The following BDNF variants were observed in gnomAD, a reference collection of about 807,000 sequenced individuals.
BDNF encodes the protein neurotrophic factor BDNF precursor form.
A neutral mutation model predicts 19.5 loss-of-function variants in BDNF; 1 was observed. The ratio of observed to expected loss-of-function variants is 0.05; its 90% CI spans 0.02 to 0.24. The LOEUF (loss-of-function observed/expected upper bound fraction) is 0.24, where lower values mean the gene tolerates loss of function less well. Among genes scored for constraint, BDNF ranks in the 10% least tolerant of loss-of-function variants. The probability of loss-of-function intolerance (pLI) is 1.00; values close to 1 mark genes in which losing one functional copy is unlikely to be tolerated. For missense variants in BDNF, 195 were observed against 317.6 expected, an observed-to-expected ratio of 0.61 and a Z score of 2.93; for synonymous variants, 100 against 121.6, an observed-to-expected ratio of 0.82 and a Z score of 1.17.
At chr11:27,719,131 CG>C (rs1320176565) in intron 1 of BDNF, among the ~76,000 whole-genome samples, 1 of 152,204 alleles carries the variant, frequency 6.6e-6, no homozygotes, top group Non-Finnish European at 1.5e-5. Context: ...CGCTGTCCCC[CG>C]GGGGTGCAGG....
intron 1 of BDNF, among the ~76,000 whole-genome samples, chr11:27,694,519 T>C (rs1243671037): frequency 6.6e-6 from 1 of 151,862 alleles, no homozygotes; most frequent in African/African-American, 2.4e-5. Context: ...AAAAATGAAC[T>C]AAATATAGAT....
At chr11:27,667,999 A>G (rs1854666089) in intron 1 of BDNF, among the ~76,000 whole-genome samples, 1 of 152,164 alleles carries the variant, frequency 6.6e-6, no homozygotes, top group Non-Finnish European at 1.5e-5. Flanking sequence ...TATTCCAAAA[A>G]TTGACTACAT....
chr11:27,665,994 T>C (rs1047779754), intron 1 of BDNF, among the ~76,000 whole-genome samples: 2 of 152,138 alleles, frequency 1.3e-5, no homozygotes, highest in Non-Finnish European at 2.9e-5. Context: ...GACCCCTGAG[T>C]AGCCTAACTG....
intron 1 of BDNF, chr11:27,719,763 G>A (rs1442049814): frequency 6.8e-6 from 1 of 147,500 alleles, no homozygotes; most frequent in Non-Finnish European, 1.5e-5. Flanking sequence ...GGGCGGGAAG[G>A]AGGGAGGGAG....
At chr11:27,700,687 G>T, upstream of BDNF, 1 of 1,155,740 alleles carries the variant, frequency 8.7e-7, no homozygotes, top group Non-Finnish European at 1.1e-6. Context: ...TCCTCCCCTA[G>T]GGCCCCGCGA....
chr11:27,669,601 T>C (rs1051346614), intron 1 of BDNF, among the ~76,000 whole-genome samples: 5 of 152,150 alleles, frequency 3.3e-5, no homozygotes, highest in Non-Finnish European at 5.9e-5. Flanking sequence ...CAAGCATTCC[T>C]ATACACCAAT....
rs983879107 is a variant in BDNF at position 27,716,805 on chromosome 11, T to A, written c.3+4607A>T. Among the ~76,000 whole-genome samples the A allele has an allele frequency of 7.9e-5, 12 of 152,330 alleles. 1 individual carries two copies. The highest frequency in any genetic ancestry group is 2.9e-4 in the African/African-American group (12 of 41,584). ...TATATTTAATAAAAAATATGCTCAG[T>A]TAGACATCATTTTAACTGACAGATT... On this transcript the variant is annotated intron_variant, in intron 1 of 1. Coordinates refer to the BDNF transcript ENST00000314915.
exon 1 of BDNF, chr11:27,721,466 A>G: frequency 1.9e-6 from 3 of 1,606,282 alleles, no homozygotes; most frequent in East Asian, 2.2e-5. Flanking sequence ...CGTCTCCCCA[A>G]CAGATGCTGG....
At chr11:27,717,655 C>A (rs1337104819) in intron 1 of BDNF, among the ~76,000 whole-genome samples, 1 of 152,184 alleles carries the variant, frequency 6.6e-6, no homozygotes, top group Non-Finnish European at 1.5e-5. Context: ...GGTTAAAATT[C>A]TCTCTCTTTC....
chr11:27,656,903 A>G lies in BDNF; in HGVS notation c.*918T>C. Reference sequence around the variant, plus strand: ...CACAGCAGTGGTAAAATATTTCAGAACGCGCAACTGATTTTTCTTCCTTAA... The same window carrying G: ...CACAGCAGTGGTAAAATATTTCAGAGCGCGCAACTGATTTTTCTTCCTTAA... On this transcript the variant is annotated 3_prime_UTR_variant, in exon 2 of 2. Transcript: ENST00000356660. 1.0e-6 allele frequency: 1 copy of G among 985,252 alleles called. No individual in the cohort carries two copies. Among genetic ancestry groups the G allele is most frequent in the Non-Finnish European group, 1.2e-6 (1 of 829,890 alleles). The allele number at this position is 985,252 out of a possible 1,614,324, so 61.0% of individuals were successfully genotyped here.
At chr11:27,707,661 G>A (rs1026114864) in intron 1 of BDNF, among the ~76,000 whole-genome samples, 1 of 152,168 alleles carries the variant, frequency 6.6e-6, no homozygotes, top group Admixed American at 6.5e-5. Flanking sequence ...CAAATATAAT[G>A]TTTCATAAAA....
chr11:27,694,832 T>G (rs1213419268), intron 1 of BDNF, among the ~76,000 whole-genome samples: 4 of 152,172 alleles, frequency 2.6e-5, no homozygotes. Context: ...TGTTATTGTA[T>G]CTCAGAAAGT....
At chr11:27,662,345 AG>A (rs2133818862) in intron 1 of BDNF, among the ~76,000 whole-genome samples, 1 of 152,348 alleles carries the variant, frequency 6.6e-6, no homozygotes, top group South Asian at 2.1e-4. Flanking sequence ...ATGTAATAGC[AG>A]TACTCAGTAA....
intron 1 of BDNF, among the ~76,000 whole-genome samples, chr11:27,668,886 G>A (rs902023895): frequency 6.6e-6 from 1 of 152,120 alleles, no homozygotes; most frequent in Non-Finnish European, 1.5e-5. Context: ...AGAAAAAGAG[G>A]GAATCCTCCC....
intron 1 of BDNF, among the ~76,000 whole-genome samples, chr11:27,670,887 G>C (rs920026998): frequency 2.6e-5 from 4 of 152,136 alleles, no homozygotes; most frequent in African/African-American, 4.8e-5. Context: ...TACCATTTGA[G>C]CCAGCCATCC....
chr11:27,721,652 A>G lies in BDNF; in HGVS notation c.-238T>C, dbSNP rs570374465. 127 of 596,244 alleles carry G rather than the reference A, an allele frequency of 2.1e-4. 1 individual carries two copies. The South Asian group carries it at 2.4e-3, about 11-fold the overall frequency. The allele number at this position is 596,244 out of a possible 1,614,324, so 36.9% of individuals were successfully genotyped here. ...AAGCAACTGGCATCGATGTCGAAAA[A>G]CCTATAGATTTACGCAAACGCCCTC... On this transcript the variant is annotated 5_prime_UTR_variant, in exon 1 of 2. Transcript: ENST00000314915.
At chr11:27,674,373 G>A in intron 1 of BDNF, 1 of 1,505,678 alleles carries the variant, frequency 6.6e-7, no homozygotes, top group Non-Finnish European at 8.9e-7. Context: ...CTCATTACTT[G>A]TAGCTTAATG....
intron 1 of BDNF, chr11:27,674,775 A>G: frequency 1.8e-5 from 17 of 968,384 alleles, no homozygotes; most frequent in Non-Finnish European, 2.1e-5. Flanking sequence ...ATACCAACAT[A>G]TTTCATCTAA....
At chr11:27,707,723 G>T (rs1860165550) in intron 1 of BDNF, among the ~76,000 whole-genome samples, 1 of 152,216 alleles carries the variant, frequency 6.6e-6, no homozygotes, top group Non-Finnish European at 1.5e-5. Context: ...TGAGAGTACA[G>T]CCATTAATTT....
Sources: gnomAD v4.1 joint callset for allele counts (sites outside exome capture counted in the v4.1 genomes callset) on GRCh38, gnomAD v4.1.1 for gene constraint, MANE v1.5 for transcripts, NCBI Gene and HGNC (gene_info 2026-07-23, HGNC 2026-07-21) for gene names.